Variants in OPCML observed in about 807,000 individuals in gnomAD.
OPCML encodes opioid binding protein/cell adhesion molecule like.
In OPCML, 13 loss-of-function variants were observed where a neutral mutation model predicts 37.8. The observed-to-expected ratio is 0.34, with a 90% confidence interval of 0.22 to 0.55. The LOEUF is 0.55. Among genes scored for constraint, OPCML ranks in the 20% least tolerant of loss-of-function variants. OPCML has a pLI of 0.91. For missense variants in OPCML, 341 were observed against 435.6 expected, an observed-to-expected ratio of 0.78 and a Z score of 1.93; for synonymous variants, 176 against 168.8, an observed-to-expected ratio of 1.04 and a Z score of -0.33.
chr11:133,034,331 G>GTGTGTGTGTGTGTT (rs1395867445), intron 1 of OPCML, among the ~76,000 whole-genome samples: 1 of 151,858 alleles, frequency 6.6e-6, no homozygotes, highest in Non-Finnish European at 1.5e-5. Flanking sequence ...GTGTGTGTGT[G>GTGTGTGTGTGTGTT]TGTGTGTGTG....
At chr11:133,435,897 AG>A (rs1182910560) in intron 1 of OPCML, among the ~76,000 whole-genome samples, 3 of 152,248 alleles carry the variant, frequency 2.0e-5, no homozygotes, top group African/African-American at 7.2e-5. Context: ...AAGGTGTAAG[AG>A]GGATCTAATT....
chr11:133,053,835 C>T (rs1412324738), intron 1 of OPCML, among the ~76,000 whole-genome samples: 1 of 152,092 alleles, frequency 6.6e-6, no homozygotes, highest in Non-Finnish European at 1.5e-5. Context: ...ATTCCCAATC[C>T]CTCTTCTCAA....
At chr11:133,236,649 C>T (rs1940529774) in intron 1 of OPCML, among the ~76,000 whole-genome samples, 1 of 152,244 alleles carries the variant, frequency 6.6e-6, no homozygotes, top group African/African-American at 2.4e-5. Context: ...TTAGCTCCCA[C>T]AATTTAGCCT....
At chr11:133,161,707 T>C (rs1950143795) in intron 1 of OPCML, among the ~76,000 whole-genome samples, 1 of 152,242 alleles carries the variant, frequency 6.6e-6, no homozygotes, top group Non-Finnish European at 1.5e-5. Flanking sequence ...AGGAAATGTA[T>C]GTGTATATGT....
At chr11:133,191,361 C>T (rs938640197) in intron 1 of OPCML, among the ~76,000 whole-genome samples, 6 of 152,074 alleles carry the variant, frequency 3.9e-5, no homozygotes, top group Non-Finnish European at 8.8e-5. Context: ...TTCCCTGTTG[C>T]TTCCTTGTTA....
chr11:132,877,845 C>T (rs1819897651), intron 2 of OPCML, among the ~76,000 whole-genome samples: 2 of 152,184 alleles, frequency 1.3e-5, no homozygotes, highest in Non-Finnish European at 2.9e-5. Context: ...TACTATTAAG[C>T]GTAGCCATAT....
At chr11:132,990,335 C>T (rs1946753494) in intron 1 of OPCML, among the ~76,000 whole-genome samples, 2 of 152,306 alleles carry the variant, frequency 1.3e-5, no homozygotes, top group East Asian at 1.9e-4. Flanking sequence ...AAGAAATGCT[C>T]CTATAGCGTC....
Position 133,201,090 on chromosome 11 carries a change from G to C in OPCML, c.62-258080C>G, listed in dbSNP as rs563097366. Among the ~76,000 whole-genome samples the C allele has an allele frequency of 6.6e-5, 10 of 152,250 alleles. No individual in the cohort carries two copies. In the East Asian group the frequency reaches 1.9e-3, roughly 29 times the overall value. ...TAGGAGATAAACATTGAGTACATAT[G>C]TATACAAAGAAAAGAATAATAGATA... On this transcript the variant is annotated intron_variant, in intron 1 of 7. Coordinates refer to ENST00000524381, the MANE Select transcript of OPCML (RefSeq NM_001012393.5).
intron 4 of OPCML, among the ~76,000 whole-genome samples, chr11:132,455,119 C>T (rs1302216195): frequency 2.0e-5 from 3 of 152,212 alleles, no homozygotes; most frequent in East Asian, 1.9e-4. Context: ...TCCCATGCTC[C>T]TCATACCAGC....
chr11:132,796,659 C>T (rs1050019263), intron 2 of OPCML, among the ~76,000 whole-genome samples: 9 of 150,666 alleles, frequency 6.0e-5, no homozygotes, highest in East Asian at 5.9e-4. Context: ...CTGCAAGCTC[C>T]GCCTCCCGGG....
intron 2 of OPCML, among the ~76,000 whole-genome samples, chr11:132,665,485 G>C (rs1012439282): frequency 6.6e-6 from 1 of 152,250 alleles, no homozygotes. Flanking sequence ...GAAAATGAAA[G>C]GAGTGATTTA....
At chr11:133,255,110 G>A (rs190643860) in intron 1 of OPCML, among the ~76,000 whole-genome samples, 13 of 152,206 alleles carry the variant, frequency 8.5e-5, no homozygotes, top group African/African-American at 2.4e-4. Context: ...TGTGCCATCC[G>A]TACACTAACA....
intron 2 of OPCML, among the ~76,000 whole-genome samples, chr11:132,775,019 A>G (rs1169268653): frequency 1.3e-5 from 2 of 152,224 alleles, no homozygotes; most frequent in Non-Finnish European, 2.9e-5. Context: ...CAGAATGAAT[A>G]TGAGAGCAGT....
chr11:132,471,122 C>T (rs894700703), intron 4 of OPCML, among the ~76,000 whole-genome samples: 5 of 152,122 alleles, frequency 3.3e-5, no homozygotes, highest in Non-Finnish European at 2.9e-5. Context: ...AATTTGGTAA[C>T]GCATTATTCA....
At chr11:133,352,942 C>T (rs1944175005) in intron 1 of OPCML, among the ~76,000 whole-genome samples, 1 of 152,186 alleles carries the variant, frequency 6.6e-6, no homozygotes, top group South Asian at 2.1e-4. Flanking sequence ...GAATTCTTAC[C>T]ATTACCATGG....
intron 1 of OPCML, among the ~76,000 whole-genome samples, chr11:133,261,683 T>C (rs572119426): frequency 6.6e-6 from 1 of 152,308 alleles, no homozygotes; most frequent in South Asian, 2.1e-4. Context: ...GCATAGTACA[T>C]GCACAGTAAC....
chr11:133,287,551 A>G (rs1404003455), intron 1 of OPCML, among the ~76,000 whole-genome samples: 1 of 151,612 alleles, frequency 6.6e-6, no homozygotes, highest in Admixed American at 6.6e-5. Context: ...AAAAAAAAAA[A>G]AAAAGACCAA....
intron 2 of OPCML, among the ~76,000 whole-genome samples, chr11:132,896,086 G>C (rs565633935): frequency 6.6e-6 from 1 of 152,168 alleles, no homozygotes; most frequent in African/African-American, 2.4e-5. Flanking sequence ...AGCTCAGGGA[G>C]TGAGTTTGTT....
intron 1 of OPCML, among the ~76,000 whole-genome samples, chr11:133,136,828 C>CGTGTGTGTGTGTGTGT (rs141952561): frequency 1.6e-5 from 2 of 126,294 alleles, no homozygotes; most frequent in East Asian, 2.4e-4. Flanking sequence ...TCTATGTGCA[C>CGTGTGTGTGTGTGTGT]GTGTGTGTGT....
Sources: allele counts gnomAD v4.1 joint callset (sites outside exome capture counted in the v4.1 genomes callset), GRCh38; gene constraint gnomAD v4.1.1; transcripts MANE v1.5; gene names NCBI Gene and HGNC (gene_info 2026-07-23, HGNC 2026-07-21).